PABPC1L: variants seen among roughly 807,000 people sequenced by gnomAD.
PABPC1L encodes the protein poly(A) binding protein cytoplasmic 1 like, also known as polyadenylate-binding protein 1-like.
PABPC1L carries 31 observed loss-of-function variants against 66.6 expected under a neutral mutation model. That is an observed-to-expected ratio of 0.47 (90% CI 0.35 to 0.63). The LOEUF (loss-of-function observed/expected upper bound fraction) is 0.63. Among genes scored for constraint, PABPC1L ranks in the 20% least tolerant of loss-of-function variants. PABPC1L has a pLI of 0.00. For missense variants in PABPC1L, 722 were observed against 848.8 expected, an observed-to-expected ratio of 0.85 and a Z score of 1.86; for synonymous variants, 348 against 335.1, an observed-to-expected ratio of 1.04 and a Z score of -0.42.
At chr20:44,921,432 G>A (rs2066772442) in intron 5 of PABPC1L, among the ~76,000 whole-genome samples, 162 bp from the exon 6 acceptor site, 2 of 152,330 alleles carry the variant, frequency 1.3e-5, no homozygotes, top group Middle Eastern at 3.4e-3. Context: ...ACAGGCATGA[G>A]CCAAAGTGGG....
At chr20:44,915,938 G>T (rs2066735054) in intron 2 of PABPC1L, among the ~76,000 whole-genome samples, 1 of 152,088 alleles carries the variant, frequency 6.6e-6, no homozygotes, top group East Asian at 1.9e-4. Context: ...AAAGTAATAT[G>T]AATACATTTT....
chr20:44,920,557 C>T (rs1345074435), intron 5 of PABPC1L, among the ~76,000 whole-genome samples: 2 of 152,132 alleles, frequency 1.3e-5, no homozygotes, highest in Non-Finnish European at 2.9e-5. Context: ...CAACCTCCGC[C>T]TCCTGGGTTC....
chr20:44,922,663 G>T (rs1213592021), intron 6 of PABPC1L, among the ~76,000 whole-genome samples: 1 of 152,154 alleles, frequency 6.6e-6, no homozygotes, highest in Non-Finnish European at 1.5e-5. Flanking sequence ...GAGCCACCAC[G>T]CCTGGCCCCC....
Position 44,938,707 on chromosome 20 carries a change from CA to C in PABPC1L, c.1826del (p.Gln609ArgfsTer34). ...DEAVAVLQAHQAMEQPKAYMH is the reference protein window; with the variant it reads ...DEAVAVLQAHXAMEQPKAYMH ...GGCAGTGGCCGTGCTGCAGGCACAC[CA>C]GGCTATGGAGCAGCCGAAGGCGTAC... is the stretch of plus-strand genomic sequence containing the variant. On this transcript the variant is annotated frameshift_variant, in exon 14 of 15. Coordinates refer to ENST00000217073, the MANE Select transcript of PABPC1L (RefSeq NM_001372179.1). LOFTEE classifies it high-confidence loss of function. 1 of 1,611,930 alleles carries C rather than the reference CA, an allele frequency of 6.2e-7. No individual in the cohort carries two copies. Among genetic ancestry groups the C allele is most frequent in the Non-Finnish European group, 8.5e-7 (1 of 1,179,252 alleles).
At chr20:44,921,540 G>C in intron 5 of PABPC1L, 54 bp from the exon 6 acceptor site, 1 of 1,598,352 alleles carries the variant, frequency 6.3e-7, no homozygotes, top group Non-Finnish European at 8.5e-7. Flanking sequence ...GATGAGCCTG[G>C]GCCAGGGCCA....
rs2068889217 is a variant in PABPC1L at position 44,932,323 on chromosome 20, G to T, written c.1240-19G>T. The T allele has an allele frequency of 6.3e-7, 1 of 1,590,732 alleles. No homozygotes were observed. On this transcript the variant is annotated intron_variant, in intron 8 of 14. Coordinates refer to ENST00000217073, the MANE Select transcript of PABPC1L (RefSeq NM_001372179.1). ...CCTGCCGCCAAGCCCCTCAGTCTGG[G>T]TCTTCTTTTCCCATGCAGCCTCCAG...
At chr20:44,919,659 C>T (rs2066759921) in intron 5 of PABPC1L, among the ~76,000 whole-genome samples, 1 of 152,264 alleles carries the variant, frequency 6.6e-6, no homozygotes, top group African/African-American at 2.4e-5. Context: ...TGAGTCCAGC[C>T]TGGGCAACAT....
intron 5 of PABPC1L, 75 bp downstream of exon 5, chr20:44,919,352 G>A (rs1672971268): frequency 2.0e-6 from 3 of 1,508,290 alleles, no homozygotes; most frequent in Non-Finnish European, 2.7e-6. Flanking sequence ...CCAGCTGCCT[G>A]TGGAGGGGAA....
At position 44,924,198 on chromosome 20, in the gene PABPC1L, T is replaced by C. The variant is rs553763669; in HGVS notation, c.914T>C (p.Ile305Thr). 3 of 1,614,096 alleles carry C rather than the reference T, an allele frequency of 1.9e-6. No individual in the cohort carries two copies. Among genetic ancestry groups the C allele is most frequent in the South Asian group, 1.1e-5 (1 of 91,082 alleles). The change falls in exon 7 of 15, where the codon ATT (isoleucine) becomes ACT (threonine). Residue 305 changes from isoleucine (I) to threonine (T), a missense_variant. Physicochemically the swap from Ile to Thr is moderately conservative, Grantham distance 89. Around this residue, in one of 3 missense-constraint regions of PABPC1L, gnomAD observed 137 missense variants for 216.8 expected, o/e 0.63. Transcript: ENST00000217073. Reference protein sequence around the residue: ...NLYVKNLDDSIDDDKLRKEFS... With the variant: ...NLYVKNLDDSTDDDKLRKEFS... ...TATGTGAAGAATCTGGACGACTCCATTGATGACGACAAACTGAGGAAAGAG... is the reference window on the plus strand; with the variant it reads ...TATGTGAAGAATCTGGACGACTCCACTGATGACGACAAACTGAGGAAAGAG...
intron 5 of PABPC1L, among the ~76,000 whole-genome samples, chr20:44,920,722 G>T (rs111362176): frequency 1.3e-4 from 19 of 151,058 alleles, no homozygotes; most frequent in African/African-American, 4.4e-4. Context: ...ACCCGCCTTG[G>T]CCTCCCAAAG....
At chr20:44,916,658 C>T (rs1419589211) in intron 2 of PABPC1L, 98 bp from the exon 3 acceptor site, 9 of 1,132,388 alleles carry the variant, frequency 7.9e-6, no homozygotes, top group Non-Finnish European at 1.2e-5. Flanking sequence ...TTTCCAGGCA[C>T]AGCAGGCATG....
Position 44,932,393 on chromosome 20 carries a change from C to A in PABPC1L, c.1291C>A (p.Pro431Thr). 1 of 1,613,766 alleles carries A rather than the reference C, an allele frequency of 6.2e-7. No individual in the cohort carries two copies. ...CTGTGGCCCAGTGACACCCACCCAGCCTGCCCCCAGGTGGACATCCCAGCC... is the reference window on the plus strand; with the variant it reads ...CTGTGGCCCAGTGACACCCACCCAGACTGCCCCCAGGTGGACATCCCAGCC... ...YGCGPVTPTQ[P>T]APRWTSQPPR... is the part of the protein sequence containing the mutation. The change falls in exon 9 of 15, where the codon CCT becomes ACT. Residue 431 changes from proline to threonine, a missense_variant. By Grantham distance (38) the Pro-to-Thr change is conservative. Coordinates refer to ENST00000217073, the MANE Select transcript of PABPC1L (RefSeq NM_001372179.1).
chr20:44,936,419 C>T (rs750672225), intron 11 of PABPC1L, among the ~76,000 whole-genome samples: 13 of 152,144 alleles, frequency 8.5e-5, no homozygotes, highest in African/African-American at 1.9e-4. Context: ...TTTATAAGTT[C>T]GTAGCACTAC....
At chr20:44,934,829 G>A (rs943148865) in intron 10 of PABPC1L, among the ~76,000 whole-genome samples, 3 of 152,214 alleles carry the variant, frequency 2.0e-5, no homozygotes, top group African/African-American at 7.2e-5. Context: ...CAGCACTTTG[G>A]GAGGCTGAGG....
In PABPC1L at chr20:44,932,553, C is replaced by G. The variant is rs559774921; in HGVS notation, c.1330+121C>G. The G allele has an allele frequency of 1.3e-4, 106 of 807,726 alleles. 2 individuals carry two copies. In the South Asian group the frequency reaches 1.8e-3, roughly 14 times the overall value. 50.0% of individuals were successfully genotyped at this position (807,726 alleles called of 1,614,324 possible). Reference sequence around the variant, plus strand: ...TCCCAAGGTGGGTGACTTCACTTCTCTGAGCCTCAGTTTCCTCTTCTGAGC... The same window carrying G: ...TCCCAAGGTGGGTGACTTCACTTCTGTGAGCCTCAGTTTCCTCTTCTGAGC... On this transcript the variant is annotated intron_variant, in intron 9 of 14. Transcript: ENST00000217073.
intron 7 of PABPC1L, among the ~76,000 whole-genome samples, chr20:44,926,086 C>T (rs2066807268): frequency 6.6e-6 from 1 of 152,204 alleles, no homozygotes; most frequent in African/African-American, 2.4e-5. Context: ...ATACACCTTG[C>T]ATACAGCTTC....
chr20:44,922,398 C>T (rs925913798), intron 6 of PABPC1L, among the ~76,000 whole-genome samples: 6 of 151,942 alleles, frequency 3.9e-5, no homozygotes, highest in African/African-American at 7.3e-5. Context: ...CCACCATGCC[C>T]GGCAAATTTT....
chr20:44,932,678 A>G lies in PABPC1L; in HGVS notation c.1330+246A>G, dbSNP rs113427541. 1,570 of 518,188 alleles carry G rather than the reference A, an allele frequency of 3.0e-3. 22 individuals are homozygous for G. Among genetic ancestry groups the G allele is most frequent in the African/African-American group, 0.027 (1,449 of 52,726 alleles). 32.1% of individuals were successfully genotyped at this position (518,188 alleles called of 1,614,324 possible). ...GCAGTCATCACCAAAGATGCCTCTG[A>G]TTTGTGACTCTGAAAATTCTTGCAA... On this transcript the variant is annotated intron_variant, in intron 9 of 14. Transcript: ENST00000217073.
intron 10 of PABPC1L, among the ~76,000 whole-genome samples, chr20:44,934,181 T>C (rs1000792824): frequency 2.0e-5 from 3 of 152,210 alleles, no homozygotes; most frequent in Non-Finnish European, 4.4e-5. Context: ...GTTCTTTCAT[T>C]CTGCAAATGT....
Sources: gnomAD v4.1 joint callset for allele counts (sites outside exome capture counted in the v4.1 genomes callset) on GRCh38, gnomAD v4.1.1 for gene constraint, gnomAD v4.1.1 regional missense constraint, MANE v1.5 for transcripts, NCBI Gene and HGNC (gene_info 2026-07-23, HGNC 2026-07-21) for gene names.